Variants in DDRGK1 observed in about 807,000 individuals in gnomAD.
DDRGK1 encodes DDRGK domain-containing protein 1.
A neutral mutation model predicts 45.8 loss-of-function variants in DDRGK1; 38 were observed. The ratio of observed to expected loss-of-function variants is 0.83; its 90% CI spans 0.64 to 1.09. The LOEUF (loss-of-function observed/expected upper bound fraction) is 1.09, where lower values mean the gene tolerates loss of function less well. Among genes scored for constraint, DDRGK1 ranks in the 50% least tolerant of loss-of-function variants. The pLI is 0.00. For missense variants in DDRGK1, 403 were observed against 419.9 expected (o/e 0.96, Z 0.35); for synonymous variants, 171 against 168.7 (o/e 1.01, Z -0.11).
intron 3 of DDRGK1, 77 bp downstream of exon 3, chr20:3,200,265 C>T (rs978338896): frequency 2.0e-6 from 3 of 1,489,430 alleles, no homozygotes; most frequent in African/African-American, 1.4e-5. Context: ...GCAACAAGCC[C>T]TCAGTCTGCC....
chr20:3,200,355 T>G lies in DDRGK1; in HGVS notation c.395A>C (p.Lys132Thr), dbSNP rs1245109787. ...CCTCCGGCTTGCCTCACGCTGGGCC[T>G]TTCGCGCTTGTTTCTCCTCCAGCTT... ...LRKLEEKQARKAQREAEEAER... is the reference protein window; with the variant it reads ...LRKLEEKQARTAQREAEEAER... The change falls in exon 3 of 9, where the codon AAG (lysine) becomes ACG (threonine). Residue 132 changes from lysine (K) to threonine (T), a missense_variant. Physicochemically the swap from Lys to Thr is moderately conservative, Grantham distance 78. Transcript: ENST00000354488. 1 of 1,567,376 alleles carries G rather than the reference T, an allele frequency of 6.4e-7. No homozygotes were observed. Among genetic ancestry groups the G allele is most frequent in the South Asian group, 1.2e-5 (1 of 85,106 alleles).
chr20:3,203,015 G>C (rs1160870999), intron 2 of DDRGK1, among the ~76,000 whole-genome samples, 198 bp downstream of exon 2: 1 of 152,112 alleles, frequency 6.6e-6, no homozygotes, highest in East Asian at 1.9e-4. Flanking sequence ...TGGACACTGA[G>C]AGCCAAGATG....
chr20:3,204,263 G>A (rs1456510367), intron 1 of DDRGK1, among the ~76,000 whole-genome samples: 1 of 152,224 alleles, frequency 6.6e-6, no homozygotes, highest in Non-Finnish European at 1.5e-5. Flanking sequence ...GCCGGCCAGG[G>A]CCTCAGGCCT....
Position 3,195,276 on chromosome 20 carries a change from A to G in DDRGK1, c.588T>C (p.Phe196=). ...CTCCTACGCCTTCCTCCTCCACCAC[A>G]AAGGCCTCCTTCAGTTTCAGGTACT... ...HEEYLKLKEA[F]VVEEEGVGET... is the part of the protein sequence containing the mutation. The change falls in exon 5 of 9, where the codon TTT becomes TTC. Residue 196 remains phenylalanine, a synonymous_variant. Coordinates refer to ENST00000354488, the MANE Select transcript of DDRGK1 (RefSeq NM_023935.3). 2.5e-6 allele frequency: 4 copies of G among 1,613,766 alleles called. No individual in the cohort carries two copies. The highest frequency in any genetic ancestry group is 3.4e-6 in the Non-Finnish European group (4 of 1,179,850).
intron 1 of DDRGK1, among the ~76,000 whole-genome samples, chr20:3,203,839 C>A (rs570203147): frequency 6.6e-6 from 1 of 152,216 alleles, no homozygotes; most frequent in Non-Finnish European, 1.5e-5. Flanking sequence ...TGGATCTCCG[C>A]CTTCCCTCAG....
rs2067051402 is a variant in DDRGK1, at chr20:3,203,516, C to T, written c.92-100G>A. On this transcript the variant is annotated intron_variant, in intron 1 of 8. Coordinates refer to ENST00000354488, the MANE Select transcript of DDRGK1 (RefSeq NM_023935.3). ...AAGCCTCACCTCCTCTGCTTAGCGG[C>T]CTGCTGCCCACAGCACAAGGCCCCG... 2.4e-5 allele frequency: 33 copies of T among 1,400,176 alleles called. No individual in the cohort carries two copies. In the South Asian group the frequency reaches 4.9e-4, roughly 21 times the overall value. The allele number at this position is 1,400,176 out of a possible 1,614,324, so 86.7% of individuals were successfully genotyped here.
chr20:3,203,220 G>A lies in DDRGK1; in HGVS notation c.288C>T (p.Val96=), dbSNP rs780227854. 5 of 1,583,194 alleles carry A rather than the reference G, an allele frequency of 3.2e-6. No homozygotes were observed. Among genetic ancestry groups the A allele is most frequent in the Admixed American group, 1.8e-5 (1 of 55,650 alleles). Residue 96 remains valine (V), a synonymous_variant, in exon 2 of 9, where the codon GTC becomes GTT. Coordinates refer to ENST00000354488, the MANE Select transcript of DDRGK1 (RefSeq NM_023935.3). ...AEADENEEEA[V]ILAQEEEGVE... Reference sequence around the variant, plus strand: ...AGGCTGGGCCCCTCTCACCTAGGATGACAGCTTCCTCCTCGTTCTCATCTG... The same window carrying A: ...AGGCTGGGCCCCTCTCACCTAGGATAACAGCTTCCTCCTCGTTCTCATCTG...
intron 8 of DDRGK1, 107 bp downstream of exon 8, chr20:3,191,082 TC>T: frequency 3.5e-6 from 5 of 1,432,204 alleles, no homozygotes; most frequent in Non-Finnish European, 3.9e-6. Context: ...TGCACACCCC[TC>T]CCCCCATCTT....
chr20:3,194,546 G>C (rs1384802774), intron 6 of DDRGK1, among the ~76,000 whole-genome samples: 2 of 152,248 alleles, frequency 1.3e-5, no homozygotes, highest in Non-Finnish European at 2.9e-5. Flanking sequence ...AAAACACACT[G>C]ACTCACTGAG....
rs1030701449 is a variant in DDRGK1 at position 3,200,246 on chromosome 20, GC to G, written c.408+95del. ...AGAGCCAGGGAAGCAGCAAACACCA[GC>G]CCAGCAGGCAACAAGCCCTCAGTCT... On this transcript the variant is annotated intron_variant, in intron 3 of 8. Coordinates refer to ENST00000354488, the MANE Select transcript of DDRGK1 (RefSeq NM_023935.3). 2.1e-5 allele frequency: 30 copies of G among 1,459,418 alleles called. No individual in the cohort carries two copies. In the African/African-American group the frequency reaches 3.8e-4, roughly 18 times the overall value. 90.4% of individuals were successfully genotyped at this position (1,459,418 alleles called of 1,614,324 possible). A position where few individuals can be genotyped will look rare whatever the true frequency, so the allele number is the denominator to read the frequency against.
intron 2 of DDRGK1, among the ~76,000 whole-genome samples, chr20:3,201,908 C>T (rs1308106156): frequency 6.6e-6 from 1 of 151,778 alleles, no homozygotes; most frequent in Non-Finnish European, 1.5e-5. Flanking sequence ...GTGATCCACC[C>T]GCCTCGGCCT....
At chr20:3,192,276 T>C (rs554721010) in intron 6 of DDRGK1, among the ~76,000 whole-genome samples, 51 of 152,340 alleles carry the variant, frequency 3.3e-4, no homozygotes, top group African/African-American at 7.0e-4. Flanking sequence ...CCAGGACTTA[T>C]GCTTGCTGAG....
chr20:3,200,926 T>G (rs192190841), intron 2 of DDRGK1, among the ~76,000 whole-genome samples: 1 of 152,056 alleles, frequency 6.6e-6, no homozygotes, highest in Non-Finnish European at 1.5e-5. Flanking sequence ...CTGGCTAACA[T>G]GGTGAAACCT....
chr20:3,190,368 T>G lies in DDRGK1; in HGVS notation c.*285A>C. ...AACAGAGTAAATGTGCAACAGGCTATTTTCTTGAATGAATGGATTCATAAT... is the reference window on the plus strand; with the variant it reads ...AACAGAGTAAATGTGCAACAGGCTAGTTTCTTGAATGAATGGATTCATAAT... On this transcript the variant is annotated 3_prime_UTR_variant, in exon 9 of 9. Transcript: ENST00000354488. 2.5e-6 allele frequency: 1 copy of G among 405,880 alleles called. No individual in the cohort carries two copies. Among genetic ancestry groups the G allele is most frequent in the African/African-American group, 2.0e-5 (1 of 49,134 alleles). The allele number at this position is 405,880 out of a possible 1,614,324, so 25.1% of individuals were successfully genotyped here. A position where few individuals can be genotyped will look rare whatever the true frequency, so the allele number is the denominator to read the frequency against.
At position 3,202,669 on chromosome 20, in the gene DDRGK1, C is replaced by T. The variant is rs138948944; in HGVS notation, c.295+544G>A. Among the ~76,000 whole-genome samples the T allele has an allele frequency of 6.7e-3, 1,018 of 152,326 alleles. 8 individuals carry two copies. Among genetic ancestry groups the T allele is most frequent in the African/African-American group, 0.022 (918 of 41,568 alleles). ...CCCCAAAGGTACAAGGCAAAAGCCT[C>T]AAATGCCCCCAGTTTCTGAGAAACG... On this transcript the variant is annotated intron_variant, in intron 2 of 8. Coordinates refer to ENST00000354488, the MANE Select transcript of DDRGK1 (RefSeq NM_023935.3).
chr20:3,194,757 C>G, intron 6 of DDRGK1, 73 bp downstream of exon 6: 1 of 1,585,200 alleles, frequency 6.3e-7, no homozygotes, highest in Non-Finnish European at 8.7e-7. Flanking sequence ...GCCTGCAGCC[C>G]CCGCTGGAGG....
At chr20:3,196,405 T>C (rs6084294) in intron 4 of DDRGK1, among the ~76,000 whole-genome samples, 43,905 of 151,892 alleles carry the variant, frequency 0.29, 6,962 homozygotes, top group Middle Eastern at 0.37. Context: ...TAGCCGGGCG[T>C]GGTGGCTCAC....
rs527960475 is a variant in DDRGK1 at position 3,191,787 on chromosome 20, G to A, written c.707C>T (p.Ser236Phe). 206 of 1,608,116 alleles carry A rather than the reference G, an allele frequency of 1.3e-4. No homozygotes were observed. Among genetic ancestry groups the A allele is most frequent in the Non-Finnish European group, 1.7e-4 (204 of 1,177,342 alleles). ...TACCTGAGTGCGTAGGCCCACCTGG[G>A]AAGCCAGGTCTTCCAAGAGCACAAC... ...SKVVLLEDLA[S>F]QVGLRTQDTI... The change falls in exon 7 of 9, where the codon TCC becomes TTC. Residue 236 changes from serine (S) to phenylalanine (F), a missense_variant. By Grantham distance (155) the Ser-to-Phe change is radical. Coordinates refer to ENST00000354488, the MANE Select transcript of DDRGK1 (RefSeq NM_023935.3).
intron 2 of DDRGK1, 43 bp from the exon 3 acceptor site, chr20:3,200,497 A>G: frequency 6.5e-7 from 1 of 1,528,498 alleles, no homozygotes; most frequent in Non-Finnish European, 8.9e-7. Flanking sequence ...CTGACCAGAG[A>G]GGACTGATGA....
Sources: gnomAD v4.1 joint callset for allele counts (sites outside exome capture counted in the v4.1 genomes callset) on GRCh38, gnomAD v4.1.1 for gene constraint, MANE v1.5 for transcripts, NCBI Gene and HGNC (gene_info 2026-07-23, HGNC 2026-07-21) for gene names.